MTO1: variants seen among roughly 807,000 people sequenced by gnomAD.
MTO1 encodes the protein 5-taurinomethyluridine-[tRNA] synthase subunit MTO1, mitochondrial.
In MTO1, 46 loss-of-function variants were observed where a neutral mutation model predicts 71.6. The ratio of observed to expected loss-of-function variants is 0.64; its 90% CI spans 0.51 to 0.82. MTO1 has a LOEUF of 0.82. MTO1 is among the 40% of genes least tolerant of loss of function. MTO1 has a pLI of 0.00. For missense variants in MTO1, 773 were observed against 867.5 expected, an observed-to-expected ratio of 0.89 and a Z score of 1.37; for synonymous variants, 297 against 312.1, an observed-to-expected ratio of 0.95 and a Z score of 0.51.
intron 9 of MTO1, among the ~76,000 whole-genome samples, chr6:73,488,789 A>T (rs1330577025): frequency 6.6e-6 from 1 of 152,052 alleles, no homozygotes; most frequent in Non-Finnish European, 1.5e-5. Flanking sequence ...ATGGTGGCAC[A>T]TGTCTGTAGT....
rs1482958730 is a variant in MTO1, at chr6:73,477,530, A to G, written c.826-2202A>G. Reference sequence around the variant, plus strand: ...GCAGCTTTTTTTTTTTTTTTGAGATAGGATCTCACTGTGTTGCCCAGGCTG... The same window carrying G: ...GCAGCTTTTTTTTTTTTTTTGAGATGGGATCTCACTGTGTTGCCCAGGCTG... On this transcript the variant is annotated intron_variant, in intron 4 of 11. Transcript: ENST00000498286. Among the ~76,000 whole-genome samples, 6 of 138,934 alleles carry G rather than the reference A, an allele frequency of 4.3e-5. No homozygotes were observed. In the South Asian group the frequency reaches 7.4e-4, roughly 17 times the overall value. The allele number at this position is 138,934 out of a possible 152,430, so 91.1% of individuals were successfully genotyped here.
intron 4 of MTO1, among the ~76,000 whole-genome samples, chr6:73,479,367 T>C (rs751072767): frequency 9.2e-5 from 14 of 151,842 alleles, no homozygotes; most frequent in Non-Finnish European, 2.1e-4. Context: ...TAGTGGTGCA[T>C]GCCTGTGATC....
rs533453885 is a variant in MTO1 at position 73,481,924 on chromosome 6, A to C, written c.1261-116A>C. On this transcript the variant is annotated intron_variant, in intron 7 of 11. Coordinates refer to ENST00000498286, the MANE Select transcript of MTO1 (RefSeq NM_012123.4). The stretch of plus-strand genomic sequence containing the variant: ...ATTTTCTACCTCTATTATATCCCTT[A>C]GGGGCAATACTTGCTTTCTTCCTGT... The C allele has an allele frequency of 2.0e-4, 206 of 1,051,868 alleles. No homozygotes were observed. In the African/African-American group the frequency reaches 2.7e-3, roughly 14 times the overall value. 65.2% of individuals were successfully genotyped at this position (1,051,868 alleles called of 1,614,324 possible).
At chr6:73,493,399 T>C (rs1263060741) in intron 10 of MTO1, among the ~76,000 whole-genome samples, 1 of 150,802 alleles carries the variant, frequency 6.6e-6, no homozygotes, top group Non-Finnish European at 1.5e-5. Flanking sequence ...TTTTGGTTTT[T>C]TCTTTTTTGA....
At chr6:73,498,058 C>T (rs1358279145) in intron 11 of MTO1, among the ~76,000 whole-genome samples, 162 bp downstream of exon 11, 3 of 151,986 alleles carry the variant, frequency 2.0e-5, no homozygotes, top group Non-Finnish European at 2.9e-5. Flanking sequence ...TACAAAAATA[C>T]AAAAATTAGC....
intron 10 of MTO1, 57 bp downstream of exon 10, chr6:73,492,409 A>G: frequency 8.7e-7 from 1 of 1,153,854 alleles, no homozygotes; most frequent in Non-Finnish European, 1.3e-6. Context: ...TTATGAATAG[A>G]CAACAGATCC....
chr6:73,473,642 A>G lies in MTO1; in HGVS notation c.813A>G (p.Thr271=), dbSNP rs771313508. The G allele has an allele frequency of 1.2e-6, 2 of 1,611,936 alleles. No homozygotes were observed. The highest frequency in any genetic ancestry group is 1.7e-5 in the Admixed American group (1 of 59,920). Reference sequence around the variant, plus strand: ...TACCATTCAGCTTTACCAATGAGACAGTATGGATTAAGGTAAGATACTTTA... The same window carrying G: ...TACCATTCAGCTTTACCAATGAGACGGTATGGATTAAGGTAAGATACTTTA... ...PSIPFSFTNE[T]VWIKPEDQLP... is the part of the protein sequence containing the mutation. Residue 271 remains threonine, a synonymous_variant, in exon 4 of 12, where the codon ACA becomes ACG. Transcript: ENST00000498286.
At chr6:73,490,675 G>A (rs887385727) in intron 9 of MTO1, among the ~76,000 whole-genome samples, 1 of 151,670 alleles carries the variant, frequency 6.6e-6, no homozygotes, top group Admixed American at 6.6e-5. Flanking sequence ...TGATTATTTG[G>A]GGTTCCTTGT....
rs1280913347 is a variant in MTO1, at chr6:73,461,826, T to G, written c.-29T>G. On this transcript the variant is annotated 5_prime_UTR_variant, in exon 1 of 12. Coordinates refer to ENST00000498286, the MANE Select transcript of MTO1 (RefSeq NM_012123.4). ...TTTTTTGACCGTCACTCGTGTCAGCTTCAAAGTCAGATAGATTTTTCTCCC... is the reference window on the plus strand; with the variant it reads ...TTTTTTGACCGTCACTCGTGTCAGCGTCAAAGTCAGATAGATTTTTCTCCC... The G allele has an allele frequency of 6.2e-7, 1 of 1,602,916 alleles. No individual in the cohort carries two copies. The highest frequency in any genetic ancestry group is 2.2e-5 in the East Asian group (1 of 44,580).
In MTO1 at chr6:73,500,613, G is replaced by T. The variant is rs749086310; in HGVS notation, c.1957G>T (p.Ala653Ser). Reference protein sequence around the residue: ...ASRIPGVTPAAIINLLRFVKT... With the variant: ...ASRIPGVTPASIINLLRFVKT... Reference sequence around the variant, plus strand: ...TCGCATACCCGGAGTAACACCTGCCGCCATCATCAATCTGCTGAGATTTGT... The same window carrying T: ...TCGCATACCCGGAGTAACACCTGCCTCCATCATCAATCTGCTGAGATTTGT... Residue 653 changes from alanine to serine, a missense_variant, in exon 12 of 12, where the codon GCC becomes TCC. Physicochemically the swap from Ala to Ser is moderately conservative, Grantham distance 99 (BLOSUM62 1). Transcript: ENST00000498286. 6.2e-7 allele frequency: 1 copy of T among 1,613,656 alleles called. No individual in the cohort carries two copies. The highest frequency in any genetic ancestry group is 1.7e-5 in the Admixed American group (1 of 59,930).
Position 73,507,029 on chromosome 6 carries a change from T to G in MTO1, c.*6294T>G. 6.6e-6 allele frequency: 1 copy of G among 150,788 alleles called. No individual in the cohort carries two copies. The highest frequency in any genetic ancestry group is 1.5e-5 in the Non-Finnish European group (1 of 67,796). The allele number at this position is 150,788 out of a possible 1,614,324, so 9.3% of individuals were successfully genotyped here. A position where few individuals can be genotyped will look rare whatever the true frequency, so the allele number is the denominator to read the frequency against. On this transcript the variant is annotated 3_prime_UTR_variant, in exon 12 of 12. Coordinates refer to ENST00000498286, the MANE Select transcript of MTO1 (RefSeq NM_012123.4). ...ATTCACCAATTTTAAGATGCACATC[T>G]TTCCATATTTTAGTATCTCTAAGTT...
In MTO1 at chr6:73,473,444, G is replaced by A. The variant is rs1771210654; in HGVS notation, c.615G>A (p.Leu205=). Residue 205 remains leucine, a synonymous_variant, in exon 4 of 12, where the codon TTG becomes TTA. Coordinates refer to ENST00000498286, the MANE Select transcript of MTO1 (RefSeq NM_012123.4). ...TFLRGMIVIG[L]ETHPAGRLGD... is the part of the protein sequence containing the mutation. Reference sequence around the variant, plus strand: ...TGAGAGGCATGATTGTAATTGGATTGGAGACGCATCCAGCAGGACGTTTAG... The same window carrying A: ...TGAGAGGCATGATTGTAATTGGATTAGAGACGCATCCAGCAGGACGTTTAG... The A allele has an allele frequency of 6.2e-7, 1 of 1,614,014 alleles. No homozygotes were observed. The highest frequency in any genetic ancestry group is 1.1e-5 in the South Asian group (1 of 91,086).
intron 9 of MTO1, among the ~76,000 whole-genome samples, chr6:73,484,704 G>T (rs965046263): frequency 1.3e-5 from 2 of 152,128 alleles, no homozygotes; most frequent in East Asian, 3.8e-4. Flanking sequence ...TTCTCCAGCT[G>T]TTTATTCATT....
intron 11 of MTO1, among the ~76,000 whole-genome samples, chr6:73,499,441 G>A (rs1772092672): frequency 6.6e-6 from 1 of 151,250 alleles, no homozygotes; most frequent in African/African-American, 2.4e-5. Flanking sequence ...AGGATCGCTT[G>A]AGCCCAGGAG....
rs1159662111 is a variant in MTO1, at chr6:73,504,125, C to T, written c.*3390C>T. ...AATACTTCTATTATTACACTTACTT[C>T]GTTCTACCTTAATGTTTTTATTTAG... On this transcript the variant is annotated 3_prime_UTR_variant, in exon 12 of 12. Coordinates refer to ENST00000498286, the MANE Select transcript of MTO1 (RefSeq NM_012123.4). The T allele has an allele frequency of 2.0e-5, 3 of 152,140 alleles. No individual in the cohort carries two copies. Among genetic ancestry groups the T allele is most frequent in the Non-Finnish European group, 4.4e-5 (3 of 68,048 alleles). 9.4% of individuals were successfully genotyped at this position (152,140 alleles called of 1,614,324 possible). A position where few individuals can be genotyped will look rare whatever the true frequency, so the allele number is the denominator to read the frequency against.
chr6:73,493,675 G>C lies in MTO1; in HGVS notation c.1756+1323G>C, dbSNP rs536511292. Reference sequence around the variant, plus strand: ...CAAAGTGCTGGGATTACAGGTGTGAGCCACTGCACCCAGCATATATATATA... The same window carrying C: ...CAAAGTGCTGGGATTACAGGTGTGACCCACTGCACCCAGCATATATATATA... On this transcript the variant is annotated intron_variant, in intron 10 of 11. Coordinates refer to ENST00000498286, the MANE Select transcript of MTO1 (RefSeq NM_012123.4). Among the ~76,000 whole-genome samples the C allele has an allele frequency of 6.9e-4, 105 of 151,928 alleles. 1 individual carries two copies. Among genetic ancestry groups the C allele is most frequent in the Non-Finnish European group, 4.0e-4 (27 of 67,964 alleles).
Position 73,466,230 on chromosome 6 carries a change from C to T in MTO1, c.239C>T (p.Ser80Phe), listed in dbSNP as rs2150027202. ...TTAGGTCAGATGTCATGTAATCCTT[C>T]CTTTGGTGGCATCGGAAAGGGACAT... ...DTIGQMSCNP[S>F]FGGIGKGHLM... The change falls in exon 2 of 12, where the codon TCC becomes TTC. Residue 80 changes from serine (S) to phenylalanine (F), a missense_variant. Coordinates refer to ENST00000498286, the MANE Select transcript of MTO1 (RefSeq NM_012123.4). 6.2e-7 allele frequency: 1 copy of T among 1,613,690 alleles called. No individual in the cohort carries two copies. Among genetic ancestry groups the T allele is most frequent in the Non-Finnish European group, 8.5e-7 (1 of 1,179,674 alleles).
rs1409630088 is a variant in MTO1 at position 73,461,931 on chromosome 6, G to T, written c.77G>T (p.Ser26Ile). Residue 26 changes from serine to isoleucine, a missense_variant, in exon 1 of 12, where the codon AGC becomes ATC. By Grantham distance (142) the Ser-to-Ile change is moderately radical. Transcript: ENST00000498286. ...TKQQFPLARLSSDSAAPRTPH... is the reference protein window; with the variant it reads ...TKQQFPLARLISDSAAPRTPH... ...CAGCAATTTCCGTTGGCACGGTTGA[G>T]CAGTGACAGCGCGGCGCCCCGGACT... The T allele has an allele frequency of 1.2e-6, 2 of 1,614,164 alleles. No homozygotes were observed. Among genetic ancestry groups the T allele is most frequent in the African/African-American group, 1.3e-5 (1 of 74,958 alleles).
At position 73,480,806 on chromosome 6, in the gene MTO1, G is replaced by A; in HGVS notation, c.1260+1G>A. Reference sequence around the variant, plus strand: ...TGGTTATGAGGAAGCTGCAGCTCAAGTAAGAAGTTAAGATATTAATGTAAA... The same window carrying A: ...TGGTTATGAGGAAGCTGCAGCTCAAATAAGAAGTTAAGATATTAATGTAAA... On this transcript the variant is annotated splice_donor_variant, in intron 7 of 11. Coordinates refer to ENST00000498286, the MANE Select transcript of MTO1 (RefSeq NM_012123.4). LOFTEE classifies it high-confidence loss of function. 1 of 1,613,752 alleles carries A rather than the reference G, an allele frequency of 6.2e-7. No individual in the cohort carries two copies. Among genetic ancestry groups the A allele is most frequent in the Non-Finnish European group, 8.5e-7 (1 of 1,179,856 alleles).
Sources: gnomAD v4.1 joint callset for allele counts (sites outside exome capture counted in the v4.1 genomes callset) on GRCh38, gnomAD v4.1.1 for gene constraint, MANE v1.5 for transcripts, NCBI Gene and HGNC (gene_info 2026-07-23, HGNC 2026-07-21) for gene names.